ARHGAP17: variants seen among roughly 807,000 people sequenced by gnomAD.
The protein encoded by ARHGAP17 is rho GTPase-activating protein 17.
Under a neutral mutation model 99.5 loss-of-function variants are expected in ARHGAP17, and 57 were observed. The observed-to-expected ratio is 0.57, with a 90% CI of 0.46 to 0.71. The LOEUF is 0.71. Among genes scored for constraint, ARHGAP17 ranks in the 30% least tolerant of loss-of-function variants. The pLI, the probability that ARHGAP17 is intolerant of heterozygous loss-of-function variation, is 0.00. For synonymous variants in ARHGAP17, 417 were observed against 429.6 expected (o/e 0.97, Z 0.36); for missense variants, 1,000 against 1,122.4 (o/e 0.89, Z 1.56).
At chr16:25,004,437 G>A (rs562483895) in intron 1 of ARHGAP17, among the ~76,000 whole-genome samples, 9 of 152,206 alleles carry the variant, frequency 5.9e-5, no homozygotes, top group Non-Finnish European at 1.0e-4. Context: ...CCAAAGTACC[G>A]CTGGCCATGG....
At chr16:24,923,983 C>T (rs573079833) in intron 19 of ARHGAP17, among the ~76,000 whole-genome samples, 4 of 152,266 alleles carry the variant, frequency 2.6e-5, no homozygotes, top group South Asian at 2.1e-4. Context: ...TGTGCTTTCT[C>T]GGTTGTGAAC....
chr16:24,970,655 T>C (rs2052335491), intron 3 of ARHGAP17, 75 bp from the exon 4 acceptor site: 1 of 1,381,270 alleles, frequency 7.2e-7, no homozygotes, highest in African/African-American at 1.4e-5. Flanking sequence ...CAGATCATCA[T>C]TCATTAATTT....
chr16:25,007,531 T>C (rs2053539405), intron 1 of ARHGAP17, among the ~76,000 whole-genome samples: 1 of 152,020 alleles, frequency 6.6e-6, no homozygotes. Context: ...CATGCCTGGC[T>C]AAACTTTTTG....
chr16:24,972,368 C>T (rs1349316324), intron 3 of ARHGAP17, among the ~76,000 whole-genome samples: 2 of 152,164 alleles, frequency 1.3e-5, no homozygotes, highest in Non-Finnish European at 2.9e-5. Flanking sequence ...CTCATTTCCC[C>T]TCTCCCCAAA....
chr16:25,003,865 T>A (rs1271679678), intron 1 of ARHGAP17, among the ~76,000 whole-genome samples: 2 of 152,022 alleles, frequency 1.3e-5, no homozygotes, highest in East Asian at 3.9e-4. Flanking sequence ...CACCTTCTAT[T>A]GGATGGAAAT....
rs895663024 is a variant in ARHGAP17, at chr16:24,931,200, C to A, written c.2099G>T (p.Arg700Met). 125 of 1,577,194 alleles carry A rather than the reference C, an allele frequency of 7.9e-5. No individual in the cohort carries two copies. Among genetic ancestry groups the A allele is most frequent in the Non-Finnish European group, 1.1e-4 (123 of 1,161,926 alleles). ...SAPSQLSAPR[R>M]YSSSLSPIQA... ...GATTGGAGACAAGCTGCTGGAGTAC[C>A]TCCGGGGTGCTGAGAGCTGGGAGGG... is the stretch of plus-strand genomic sequence containing the variant. The change falls in exon 19 of 20, where the codon AGG becomes ATG. Residue 700 changes from arginine (R) to methionine (M), a missense_variant. Around this residue, in one of 2 missense-constraint regions of ARHGAP17, gnomAD observed 528 missense variants for 511.4 expected, o/e 1.03. Coordinates refer to ENST00000289968, the MANE Select transcript of ARHGAP17 (RefSeq NM_001006634.3).
intron 7 of ARHGAP17, among the ~76,000 whole-genome samples, chr16:24,961,911 T>TTATATATATATATA (rs67952203): frequency 0.028 from 3,637 of 129,706 alleles, 82 homozygotes; most frequent in Middle Eastern, 0.058. Flanking sequence ...CATAGGAATT[T>TTATATATATATATA]TATATATATA....
chr16:24,989,790 T>C (rs1325549137), intron 1 of ARHGAP17, among the ~76,000 whole-genome samples: 1 of 151,628 alleles, frequency 6.6e-6, no homozygotes, highest in African/African-American at 2.4e-5. Context: ...TTCTCATTCA[T>C]ATGTGGGAGC....
chr16:24,921,820 A>G (rs192892853), intron 19 of ARHGAP17, among the ~76,000 whole-genome samples: 6 of 152,342 alleles, frequency 3.9e-5, no homozygotes. Context: ...TATAAAACCA[A>G]TGACACTGTG....
intron 1 of ARHGAP17, among the ~76,000 whole-genome samples, chr16:24,999,400 T>TTTAC (rs2053295898): frequency 3.3e-5 from 2 of 59,898 alleles, no homozygotes; most frequent in African/African-American, 1.3e-4. Context: ...CTACAGGTGT[T>TTTAC]TTATTTATTT....
At position 24,942,141 on chromosome 16, in the gene ARHGAP17, C is replaced by A; in HGVS notation, c.1336G>T (p.Val446Leu). The A allele has an allele frequency of 6.3e-7, 1 of 1,589,976 alleles. No homozygotes were observed. ...QHADWFFPEEVEFNVSEAFVP... is the reference protein window; with the variant it reads ...QHADWFFPEELEFNVSEAFVP... Reference sequence around the variant, plus strand: ...AATGCTTCTGATACATTAAATTCCACCTCTGCAAGAGGAAAAATAAACAAG... The same window carrying A: ...AATGCTTCTGATACATTAAATTCCAACTCTGCAAGAGGAAAAATAAACAAG... The change falls in exon 16 of 20, where the codon GTG becomes TTG. Residue 446 changes from valine to leucine, a missense_variant and splice_region_variant. Val to Leu is a conservative substitution (Grantham distance 32). Transcript: ENST00000289968.
intron 6 of ARHGAP17, among the ~76,000 whole-genome samples, chr16:24,966,713 G>A (rs1408282324): frequency 6.6e-6 from 1 of 152,036 alleles, no homozygotes; most frequent in Non-Finnish European, 1.5e-5. Flanking sequence ...GAGCCCAGGA[G>A]TTTGAGGTTG....
chr16:24,963,520 C>G (rs561966429), intron 7 of ARHGAP17, among the ~76,000 whole-genome samples: 6 of 152,246 alleles, frequency 3.9e-5, no homozygotes, highest in African/African-American at 1.4e-4. Flanking sequence ...TCAATCCAGA[C>G]TTAAGACTCT....
chr16:24,991,859 T>C (rs2053052702), intron 1 of ARHGAP17, among the ~76,000 whole-genome samples: 1 of 152,230 alleles, frequency 6.6e-6, no homozygotes, highest in African/African-American at 2.4e-5. Context: ...TCCCACTAAA[T>C]GTCAGGAACT....
intron 6 of ARHGAP17, among the ~76,000 whole-genome samples, chr16:24,966,286 C>T (rs1482769446): frequency 1.3e-5 from 2 of 152,080 alleles, no homozygotes; most frequent in African/African-American, 4.8e-5. Flanking sequence ...TACTTGCGGC[C>T]AGGAGTTTGA....
In ARHGAP17 at chr16:24,943,824, A is replaced by G; in HGVS notation, c.1280T>C (p.Val427Ala). 1.2e-6 allele frequency: 2 copies of G among 1,614,226 alleles called. No individual in the cohort carries two copies. Among genetic ancestry groups the G allele is most frequent in the Non-Finnish European group, 1.7e-6 (2 of 1,180,038 alleles). Residue 427 changes from valine (V) to alanine (A), a missense_variant, in exon 15 of 20, where the codon GTG (valine) becomes GCG (alanine). Coordinates refer to ENST00000289968, the MANE Select transcript of ARHGAP17 (RefSeq NM_001006634.3). ...AATGATGGGTTCAATCACTGCAACC[A>G]CATGGACGGATGTGGCTGCTGCCAT... ...AEMAAATSVH[V>A]VAVIEPIIQH...
intron 2 of ARHGAP17, among the ~76,000 whole-genome samples, chr16:24,977,626 G>C (rs1402820639): frequency 6.6e-6 from 1 of 152,130 alleles, no homozygotes; most frequent in East Asian, 1.9e-4. Flanking sequence ...ATGTACATCA[G>C]ACAGAAGCAG....
chr16:24,927,925 T>C (rs1363768558), intron 19 of ARHGAP17, among the ~76,000 whole-genome samples: 1 of 152,214 alleles, frequency 6.6e-6, no homozygotes, highest in Non-Finnish European at 1.5e-5. Flanking sequence ...CTGTGAGAAG[T>C]TGGCTGCCAA....
intron 1 of ARHGAP17, among the ~76,000 whole-genome samples, chr16:25,006,373 C>G (rs1426772550): frequency 6.6e-6 from 1 of 151,162 alleles, no homozygotes; most frequent in Non-Finnish European, 1.5e-5. Context: ...TCGCTTGAAC[C>G]CGGGAGACAG....
Sources: allele counts gnomAD v4.1 joint callset (sites outside exome capture counted in the v4.1 genomes callset), GRCh38; gene constraint gnomAD v4.1.1; regional missense constraint gnomAD v4.1.1; transcripts MANE v1.5; gene names NCBI Gene and HGNC (gene_info 2026-07-23, HGNC 2026-07-21).